The following NBEAL1 variants were observed in gnomAD, a reference collection of about 807,000 sequenced individuals.
NBEAL1 encodes the protein neurobeachin-like protein 1.
NBEAL1 carries 273 observed loss-of-function variants against 351.3 expected under a neutral mutation model. That is an observed-to-expected ratio of 0.78 (90% CI 0.70 to 0.86). The LOEUF (loss-of-function observed/expected upper bound fraction) is 0.86. Among genes scored for constraint, NBEAL1 ranks in the 40% least tolerant of loss-of-function variants. The pLI is 0.00. For synonymous variants in NBEAL1, 1,050 were observed against 1,086.4 expected (o/e 0.97, Z 0.66); for missense variants, 2,961 against 3,201.3 (o/e 0.92, Z 1.81).
chr2:203,047,627 C>T (rs2061250253), intron 3 of NBEAL1, among the ~76,000 whole-genome samples: 1 of 152,072 alleles, frequency 6.6e-6, no homozygotes, highest in African/African-American at 2.4e-5. Context: ...TGTGGCAGCA[C>T]AGGAATTGTC....
intron 7 of NBEAL1, among the ~76,000 whole-genome samples, chr2:203,071,539 C>G (rs1025435826): frequency 6.6e-6 from 1 of 152,156 alleles, no homozygotes; most frequent in Non-Finnish European, 1.5e-5. Flanking sequence ...CCTTGCCCCC[C>G]CATTCATGTA....
At chr2:203,168,323 C>T (rs904050083) in intron 38 of NBEAL1, among the ~76,000 whole-genome samples, 1 of 152,262 alleles carries the variant, frequency 6.6e-6, no homozygotes, top group African/African-American at 2.4e-5. Context: ...CAGTGGCTCA[C>T]GCCTGTGATC....
rs769650734 is a variant in NBEAL1, at chr2:203,144,798, A to C, written c.5047A>C (p.Asn1683His). Residue 1683 changes from asparagine to histidine, a missense_variant, in exon 32 of 56, where the codon AAC becomes CAC. Transcript: ENST00000683969. ...CAAAATTTATGAGCTTCTCTTCATG[A>C]ACTTGCACCTACCTTCTTTACCTTT... ...VSKIYELLFM[N>H]LHLPSLPFTN... 7.4e-6 allele frequency: 12 copies of C among 1,614,096 alleles called. No homozygotes were observed. The highest frequency in any genetic ancestry group is 1.0e-5 in the Non-Finnish European group (12 of 1,179,964).
At chr2:203,173,692 G>T (rs888843622) in intron 41 of NBEAL1, among the ~76,000 whole-genome samples, 18 of 152,014 alleles carry the variant, frequency 1.2e-4, no homozygotes, top group African/African-American at 4.3e-4. Context: ...ACCAAAAGAA[G>T]ATTTTATAAT....
At position 203,183,273 on chromosome 2, in the gene NBEAL1, T is replaced by C. The variant is rs1225522740; in HGVS notation, c.6596-6T>C. 3 of 1,478,254 alleles carry C rather than the reference T, an allele frequency of 2.0e-6. No homozygotes were observed. The highest frequency in any genetic ancestry group is 1.9e-6 in the Non-Finnish European group (2 of 1,076,416). 91.6% of individuals were successfully genotyped at this position (1,478,254 alleles called of 1,614,324 possible). A position where few individuals can be genotyped will look rare whatever the true frequency, so the allele number is the denominator to read the frequency against. On this transcript the variant is annotated splice_polypyrimidine_tract_variant and splice_region_variant and intron_variant, in intron 43 of 55. Transcript: ENST00000683969. ...ATTTGATACATTTTCTTTTTACATG[T>C]CTTAGAATTTAACTTGGGTCGTCTA...
intron 35 of NBEAL1, among the ~76,000 whole-genome samples, chr2:203,153,580 A>C (rs1258197098): frequency 6.6e-6 from 1 of 152,170 alleles, no homozygotes; most frequent in Non-Finnish European, 1.5e-5. Flanking sequence ...GGTTTTCCTT[A>C]ATTCAAAATA....
At chr2:203,202,820 A>T (rs953556933) in intron 51 of NBEAL1, 39 bp downstream of exon 51, 4 of 1,152,482 alleles carry the variant, frequency 3.5e-6, no homozygotes, top group African/African-American at 1.5e-5. Context: ...TAGGTCAGAG[A>T]TTCACCCTGA....
At chr2:203,121,771 T>C (rs1276077930) in intron 18 of NBEAL1, among the ~76,000 whole-genome samples, 1 of 152,008 alleles carries the variant, frequency 6.6e-6, no homozygotes, top group African/African-American at 2.4e-5. Flanking sequence ...ATCTAATTCC[T>C]GATTCTTTCT....
chr2:203,202,165 A>G (rs965066493), intron 50 of NBEAL1, among the ~76,000 whole-genome samples: 2 of 152,196 alleles, frequency 1.3e-5, no homozygotes, highest in Non-Finnish European at 2.9e-5. Context: ...TTTTTTTCTA[A>G]TAAACCTGTT....
At chr2:203,197,468 T>A in intron 48 of NBEAL1, 77 bp downstream of exon 48, 1 of 1,089,642 alleles carries the variant, frequency 9.2e-7, no homozygotes, top group Non-Finnish European at 1.4e-6. Context: ...AAATAAATAT[T>A]TTTTAAAAGC....
rs1394116889 is a variant in NBEAL1, at chr2:203,127,847, A to C, written c.3315A>C (p.Gly1105=). 7.1e-6 allele frequency: 11 copies of C among 1,542,908 alleles called. No individual in the cohort carries two copies. Among genetic ancestry groups the C allele is most frequent in the Non-Finnish European group, 9.7e-6 (11 of 1,137,514 alleles). The change falls in exon 24 of 56, where the codon GGA becomes GGC. Residue 1105 remains glycine (G), a synonymous_variant. Transcript: ENST00000683969. ...DIRTIRTSLY[G]LIKYFLCKGG... ...GAACAATAAGGACTTCTTTGTATGG[A>C]CTAATTAAATATTTTCTGTGCAAAG...
In NBEAL1 at chr2:203,130,312, T is replaced by C. The variant is rs1369070231; in HGVS notation, c.3406-6T>C. Reference sequence around the variant, plus strand: ...TGGTTTGTTTTGTGTTGTTTAATTTTAAAAGCTCTTTGGAATTTTGGACGT... The same window carrying C: ...TGGTTTGTTTTGTGTTGTTTAATTTCAAAAGCTCTTTGGAATTTTGGACGT... On this transcript the variant is annotated splice_region_variant and splice_polypyrimidine_tract_variant and intron_variant, in intron 24 of 55. Transcript: ENST00000683969. 1.9e-5 allele frequency: 29 copies of C among 1,528,398 alleles called. No homozygotes were observed. Among genetic ancestry groups the C allele is most frequent in the Non-Finnish European group, 2.5e-5 (28 of 1,139,374 alleles). 94.7% of individuals were successfully genotyped at this position (1,528,398 alleles called of 1,614,324 possible). A position where few individuals can be genotyped will look rare whatever the true frequency, so the allele number is the denominator to read the frequency against.
chr2:203,081,903 C>T (rs549100795), intron 8 of NBEAL1, among the ~76,000 whole-genome samples: 46 of 152,296 alleles, frequency 3.0e-4, no homozygotes, highest in African/African-American at 1.0e-3. Context: ...GAGTTCAAAA[C>T]GAGCCTGGGC....
chr2:203,016,194 T>C lies in NBEAL1; in HGVS notation c.-191T>C. 2 of 397,818 alleles carry C rather than the reference T, an allele frequency of 5.0e-6. No homozygotes were observed. Among genetic ancestry groups the C allele is most frequent in the African/African-American group, 2.0e-5 (1 of 48,798 alleles). The allele number at this position is 397,818 out of a possible 1,614,324, so 24.6% of individuals were successfully genotyped here. The stretch of plus-strand genomic sequence containing the variant: ...CCCAACTACCACTGATGAAGATATA[T>C]TGGAGTGACTGCTGAAATTGCCTTT... On this transcript the variant is annotated 5_prime_UTR_variant, in exon 2 of 56. Transcript: ENST00000683969.
At chr2:203,151,434 A>G (rs761855295) in intron 34 of NBEAL1, 31 bp from the exon 35 acceptor site, 13 of 1,493,192 alleles carry the variant, frequency 8.7e-6, no homozygotes, top group South Asian at 5.1e-5. Context: ...AAGCTAAATA[A>G]TTTTACTTAT....
In NBEAL1 at chr2:203,062,608, G is replaced by A; in HGVS notation, c.515+5155G>A. 1 of 165,462 alleles carries A rather than the reference G, an allele frequency of 6.0e-6. No homozygotes were observed. Among genetic ancestry groups the A allele is most frequent in the South Asian group, 1.4e-4 (1 of 7,194 alleles). 10.2% of individuals were successfully genotyped at this position (165,462 alleles called of 1,614,324 possible). A position where few individuals can be genotyped will look rare whatever the true frequency, so the allele number is the denominator to read the frequency against. On this transcript the variant is annotated intron_variant, in intron 6 of 55. Coordinates refer to ENST00000683969, the MANE Select transcript of NBEAL1 (RefSeq NM_001378026.1). This position sits in a 1 kb window ranked among gnomAD's most constrained non-coding sequence, Gnocchi z 4.2. ...AATATAGGAAGATAATTCTGCATAT[G>A]TAAGATGGCAACAGAAAGGGGGGCA...
intron 44 of NBEAL1, among the ~76,000 whole-genome samples, chr2:203,185,283 A>C (rs892221178): frequency 1.3e-5 from 2 of 152,186 alleles, no homozygotes; most frequent in African/African-American, 4.8e-5. Flanking sequence ...TTTTATCCAT[A>C]CAGCTTTCAC....
chr2:203,046,857 T>A (rs2061235865), intron 3 of NBEAL1, among the ~76,000 whole-genome samples: 2 of 152,154 alleles, frequency 1.3e-5, no homozygotes, highest in Admixed American at 6.5e-5. Context: ...CAGTTCACAT[T>A]GAAAGCTCTA....
chr2:203,172,382 G>A (rs373134005), intron 40 of NBEAL1, among the ~76,000 whole-genome samples: 7 of 151,916 alleles, frequency 4.6e-5, no homozygotes, highest in South Asian at 2.1e-4. Flanking sequence ...TTATCTGGGC[G>A]TGGTGGTGCA....
Sources: gnomAD v4.1 joint callset for allele counts (sites outside exome capture counted in the v4.1 genomes callset) on GRCh38, gnomAD v4.1.1 for gene constraint, Gnocchi (gnomAD v3.1) non-coding constraint, MANE v1.5 for transcripts, NCBI Gene and HGNC (gene_info 2026-07-23, HGNC 2026-07-21) for gene names.